The following EPAS1 variants were observed in gnomAD, a reference collection of about 807,000 sequenced individuals.
EPAS1 encodes endothelial PAS domain-containing protein 1.
Under a neutral mutation model 87.9 loss-of-function variants are expected in EPAS1, and 23 were observed. The ratio of observed to expected loss-of-function variants is 0.26; its 90% CI spans 0.19 to 0.37. The LOEUF (loss-of-function observed/expected upper bound fraction) is 0.37, where lower values mean the gene tolerates loss of function less well. Among genes scored for constraint, EPAS1 ranks in the 10% least tolerant of loss-of-function variants. The pLI, the probability that EPAS1 is intolerant of heterozygous loss-of-function variation, is 1.00. For synonymous variants in EPAS1, 508 were observed against 444.3 expected, an observed-to-expected ratio of 1.14 and a Z score of -1.80; for missense variants, 1,138 against 1,120.7, an observed-to-expected ratio of 1.02 and a Z score of -0.22.
At chr2:46,379,765 G>C (rs575349171) in intron 11 of EPAS1, 1 of 237,586 alleles carries the variant, frequency 4.2e-6, no homozygotes, top group South Asian at 6.5e-5. Flanking sequence ...TCCACAGATG[G>C]ACCTGGGCAC....
In EPAS1 at chr2:46,380,213, C is replaced by A; in HGVS notation, c.1555-14C>A. 1 of 1,607,596 alleles carries A rather than the reference C, an allele frequency of 6.2e-7. No individual in the cohort carries two copies. Among genetic ancestry groups the A allele is most frequent in the South Asian group, 1.1e-5 (1 of 91,084 alleles). On this transcript the variant is annotated splice_polypyrimidine_tract_variant and intron_variant, in intron 11 of 15. Coordinates refer to ENST00000263734, the MANE Select transcript of EPAS1 (RefSeq NM_001430.5). The surrounding 1 kb of genome is among the most constrained non-coding windows in gnomAD (Gnocchi z 4.4). The stretch of plus-strand genomic sequence containing the variant: ...CAACCCCCTTGCCTCTTTGCCGGTG[C>A]TGTCTCCCCTCAGACGGATTTCAAT...
chr2:46,343,270 G>A (rs921463237), intron 1 of EPAS1, among the ~76,000 whole-genome samples: 2 of 152,184 alleles, frequency 1.3e-5, no homozygotes, highest in Admixed American at 1.3e-4. Context: ...CTCCTAAGGT[G>A]AATGGGTGCA....
intron 15 of EPAS1, among the ~76,000 whole-genome samples, chr2:46,383,004 AAGAGAAAGTTCAGAG>A (rs200649173): frequency 0.018 from 2,668 of 152,230 alleles, 176 homozygotes; most frequent in Admixed American, 0.12. Flanking sequence ...TGAAGAAGAG[AAGAGAAAGTTCAGAG>A]AGAGAGAGTT....
intron 1 of EPAS1, among the ~76,000 whole-genome samples, chr2:46,345,291 C>T (rs1684002258): frequency 6.6e-6 from 1 of 152,114 alleles, no homozygotes; most frequent in Admixed American, 6.5e-5. Context: ...AAATAAAAAA[C>T]ATACTTGTTT....
chr2:46,339,632 G>A (rs1041911446), intron 1 of EPAS1, among the ~76,000 whole-genome samples: 6 of 152,206 alleles, frequency 3.9e-5, no homozygotes, highest in Non-Finnish European at 8.8e-5. Flanking sequence ...ATGTAAAGTG[G>A]TATTATTCAC....
At chr2:46,308,469 G>T (rs1558582257) in intron 1 of EPAS1, among the ~76,000 whole-genome samples, 1 of 136,272 alleles carries the variant, frequency 7.3e-6, no homozygotes, top group African/African-American at 2.6e-5. Context: ...TTGGGGGGGG[G>T]GGCTCTGAAA....
chr2:46,354,329 C>T (rs1311257416), intron 2 of EPAS1, among the ~76,000 whole-genome samples: 2 of 152,168 alleles, frequency 1.3e-5, no homozygotes, highest in African/African-American at 4.8e-5. Flanking sequence ...ATATTACTCT[C>T]ATCCACTTGT....
intron 1 of EPAS1, chr2:46,335,930 G>C (rs1297467287): frequency 6.6e-6 from 1 of 152,212 alleles, no homozygotes; most frequent in Non-Finnish European, 1.5e-5. Flanking sequence ...CTGCGCAGTT[G>C]GCTCACTCGG....
At chr2:46,381,792 TGG>T in intron 13 of EPAS1, 70 bp downstream of exon 13, 2 of 1,603,992 alleles carry the variant, frequency 1.2e-6, no homozygotes, top group South Asian at 2.2e-5. Flanking sequence ...CTGAGAGGGG[TGG>T]GGATGTGGCC....
intron 1 of EPAS1, among the ~76,000 whole-genome samples, chr2:46,329,682 TGCA>T (rs200543612): frequency 1.3e-5 from 2 of 150,866 alleles, no homozygotes; most frequent in African/African-American, 4.9e-5. Context: ...TTTAGCCAGG[TGCA>T]GTGGTGGGCA....
At chr2:46,361,192 G>A in intron 6 of EPAS1, 102 bp downstream of exon 6, 1 of 1,279,880 alleles carries the variant, frequency 7.8e-7, no homozygotes, top group Non-Finnish European at 1.1e-6. Flanking sequence ...ACATAGACGT[G>A]GTATTGCCGG....
Position 46,382,096 on chromosome 2 carries a change from AGCG to A in EPAS1, c.2287+10_2287+12del. On this transcript the variant is annotated splice_region_variant and intron_variant, in intron 14 of 15. Coordinates refer to ENST00000263734, the MANE Select transcript of EPAS1 (RefSeq NM_001430.5). ...AGCGCAAATGTACCCAATGGTGAGC[AGCG>A]GCCACAGGCCTGGGCCTCCTGGGGG... 6.2e-7 allele frequency: 1 copy of A among 1,613,124 alleles called. No homozygotes were observed. Among genetic ancestry groups the A allele is most frequent in the Non-Finnish European group, 8.5e-7 (1 of 1,179,600 alleles).
At chr2:46,381,763 C>G in intron 13 of EPAS1, 41 bp downstream of exon 13, 1 of 1,613,032 alleles carries the variant, frequency 6.2e-7, no homozygotes, top group Non-Finnish European at 8.5e-7. Context: ...CTCCATAGCC[C>G]TTAGGGAACC....
In EPAS1 at chr2:46,380,692, C is replaced by T. The variant is rs1162704184; in HGVS notation, c.2020C>T (p.Pro674Ser). The stretch of plus-strand genomic sequence containing the variant: ...GCCGTTGGGGCCCCCTGTCTCTCCA[C>T]CCCATGTCTCCACCTTCAAGACAAG... ...AAPLGPPVSP[P>S]HVSTFKTRSA... The change falls in exon 12 of 16, where the codon CCC becomes TCC. Residue 674 changes from proline (P) to serine (S), a missense_variant. Physicochemically the swap from Pro to Ser is moderately conservative, Grantham distance 74. This residue lies in a region of EPAS1 where 502 missense variants were observed against 427.1 expected (regional missense o/e 1.18). Transcript: ENST00000263734. This position sits in a 1 kb window ranked among gnomAD's most constrained non-coding sequence, Gnocchi z 4.4. 1.9e-6 allele frequency: 3 copies of T among 1,613,098 alleles called. No individual in the cohort carries two copies. The highest frequency in any genetic ancestry group is 1.1e-5 in the South Asian group (1 of 91,078).
intron 9 of EPAS1, among the ~76,000 whole-genome samples, chr2:46,377,038 G>C (rs572877420): frequency 5.0e-4 from 76 of 152,340 alleles, no homozygotes; most frequent in African/African-American, 1.8e-3. Flanking sequence ...CATGGGTGGT[G>C]AGAGTCTGAG....
chr2:46,334,570 C>G (rs1040657327), intron 1 of EPAS1, among the ~76,000 whole-genome samples: 46 of 152,316 alleles, frequency 3.0e-4, no homozygotes, highest in African/African-American at 1.0e-3. Flanking sequence ...TCCTACAGCC[C>G]TGACTGTTCA....
chr2:46,346,821 A>C lies in EPAS1; in HGVS notation c.27-52A>C. 6.2e-7 allele frequency: 1 copy of C among 1,601,972 alleles called. No homozygotes were observed. Among genetic ancestry groups the C allele is most frequent in the Non-Finnish European group, 8.5e-7 (1 of 1,171,796 alleles). On this transcript the variant is annotated intron_variant, in intron 1 of 15. Transcript: ENST00000263734. This position sits in a 1 kb window ranked among gnomAD's most constrained non-coding sequence, Gnocchi z 4.0. ...CCATGGGGATGTCCTGGCCAGAGGT[A>C]TGATAGGCTGACAGTAACCTTTCCG...
At chr2:46,368,362 G>A (rs1035237372) in intron 6 of EPAS1, among the ~76,000 whole-genome samples, 2 of 152,096 alleles carry the variant, frequency 1.3e-5, no homozygotes, top group African/African-American at 4.8e-5. Flanking sequence ...GGGAACTGAG[G>A]GGAGAGGGGT....
Position 46,356,405 on chromosome 2 carries a change from A to C in EPAS1, c.369+103A>C, listed in dbSNP as rs924093247. 8 of 1,459,806 alleles carry C rather than the reference A, an allele frequency of 5.5e-6. No individual in the cohort carries two copies. In the African/African-American group the frequency reaches 6.9e-5, roughly 13 times the overall value. The allele number at this position is 1,459,806 out of a possible 1,614,324, so 90.4% of individuals were successfully genotyped here. A position where few individuals can be genotyped will look rare whatever the true frequency, so the allele number is the denominator to read the frequency against. ...CAATCCCACTTGACCTCTCCCTGCA[A>C]ATGCCCACGGTGACCCTCGCTGACC... On this transcript the variant is annotated intron_variant, in intron 3 of 15. Coordinates refer to ENST00000263734, the MANE Select transcript of EPAS1 (RefSeq NM_001430.5).
Sources: gnomAD v4.1 joint callset for allele counts (sites outside exome capture counted in the v4.1 genomes callset) on GRCh38, gnomAD v4.1.1 for gene constraint, gnomAD v4.1.1 regional missense constraint, Gnocchi (gnomAD v3.1) non-coding constraint, MANE v1.5 for transcripts, NCBI Gene and HGNC (gene_info 2026-07-23, HGNC 2026-07-21) for gene names.